The following SP100 variants were observed in gnomAD, a reference collection of about 807,000 sequenced individuals.
SP100 encodes the protein SP100 nuclear body protein.
A neutral mutation model predicts 130.0 loss-of-function variants in SP100; 84 were observed. The ratio of observed to expected loss-of-function variants is 0.65; its 90% CI spans 0.54 to 0.77. The LOEUF (loss-of-function observed/expected upper bound fraction) is 0.77. Ranked by LOEUF, SP100 falls within the 30% of genes least tolerant of loss-of-function variation. SP100 has a pLI of 0.00. For synonymous variants in SP100, 331 were observed against 351.7 expected, an observed-to-expected ratio of 0.94 and a Z score of 0.66; for missense variants, 978 against 1,052.2, an observed-to-expected ratio of 0.93 and a Z score of 0.97.
intron 24 of SP100, among the ~76,000 whole-genome samples, chr2:230,529,725 G>A (rs1691606285): frequency 6.6e-6 from 1 of 152,132 alleles, no homozygotes; most frequent in Non-Finnish European, 1.5e-5. Flanking sequence ...AGCAAATTTA[G>A]CAAAGTCTCA....
intron 17 of SP100, among the ~76,000 whole-genome samples, chr2:230,479,330 T>C (rs902460325): frequency 1.3e-5 from 2 of 152,260 alleles, no homozygotes; most frequent in Non-Finnish European, 2.9e-5. Flanking sequence ...TAGGCATTGC[T>C]ACTGTTTATA....
rs554305269 is a variant in SP100, at chr2:230,450,622, C to T, written c.820+367C>T. 1.2e-3 allele frequency among the ~76,000 whole-genome samples: 186 copies of T among 152,192 alleles called. 1 individual carries two copies. The highest frequency in any genetic ancestry group is 4.1e-3 in the African/African-American group (171 of 41,518). Reference sequence around the variant, plus strand: ...TTTTGTATCCTTTGACCAACATCTCCCCAGTCCTCTTCCTCATATCCCCAG... The same window carrying T: ...TTTTGTATCCTTTGACCAACATCTCTCCAGTCCTCTTCCTCATATCCCCAG... On this transcript the variant is annotated intron_variant, in intron 8 of 28. Transcript: ENST00000340126.
intron 8 of SP100, among the ~76,000 whole-genome samples, chr2:230,457,637 G>A (rs1394206219): frequency 1.3e-5 from 2 of 152,176 alleles, no homozygotes; most frequent in Non-Finnish European, 2.9e-5. Context: ...TGGGGAAGAT[G>A]ACACAGTGAA....
intron 2 of SP100, among the ~76,000 whole-genome samples, chr2:230,427,268 T>G (rs1575590568): frequency 6.6e-6 from 1 of 152,126 alleles, no homozygotes; most frequent in Non-Finnish European, 1.5e-5. Flanking sequence ...TTCAAGCAAT[T>G]CTCCTGCCTC....
At chr2:230,518,870 A>C (rs751922123) in intron 24 of SP100, among the ~76,000 whole-genome samples, 3 of 152,178 alleles carry the variant, frequency 2.0e-5, no homozygotes, top group Non-Finnish European at 4.4e-5. Context: ...ACTTATCAAA[A>C]GATTTATTCA....
chr2:230,514,287 TTAA>T (rs2150087884), intron 24 of SP100, among the ~76,000 whole-genome samples: 1 of 152,302 alleles, frequency 6.6e-6, no homozygotes, highest in African/African-American at 2.4e-5. Flanking sequence ...ATTCACAGCA[TTAA>T]TAATTGACTA....
At position 230,416,316 on chromosome 2, in the gene SP100, A is replaced by G. The variant is rs925213179; in HGVS notation, c.20A>G (p.Asp7Gly). The G allele has an allele frequency of 6.2e-7, 1 of 1,613,428 alleles. No homozygotes were observed. The stretch of plus-strand genomic sequence containing the variant: ...GGGAAGATGGCAGGTGGGGGCGGCG[A>G]CCTGAGCACCAGGTGAGTCTTTATC... MAGGGGDLSTRRLNECI... is the reference protein window; with the variant it reads MAGGGGGLSTRRLNECI... The change falls in exon 1 of 29, where the codon GAC becomes GGC. Residue 7 changes from aspartate to glycine, a missense_variant. Coordinates refer to ENST00000340126, the MANE Select transcript of SP100 (RefSeq NM_001080391.2).
chr2:230,474,371 G>T, intron 16 of SP100, 23 bp from the exon 17 acceptor site: 1 of 1,386,978 alleles, frequency 7.2e-7, no homozygotes, highest in South Asian at 1.2e-5. Context: ...ACAGTTCTCT[G>T]ACCACTACCT....
chr2:230,509,801 A>G (rs1382255140), intron 23 of SP100: 1 of 152,236 alleles, frequency 6.6e-6, no homozygotes, highest in African/African-American at 2.4e-5. Flanking sequence ...AGTCCAAGCT[A>G]ATCGTTTACT....
chr2:230,431,001 G>T (rs1208197985), intron 2 of SP100, among the ~76,000 whole-genome samples: 1 of 152,196 alleles, frequency 6.6e-6, no homozygotes, highest in Non-Finnish European at 1.5e-5. Context: ...AAACCTAAAC[G>T]TCTTAGGTGG....
At chr2:230,513,278 A>C (rs540182048) in intron 24 of SP100, among the ~76,000 whole-genome samples, 117 of 152,354 alleles carry the variant, frequency 7.7e-4, no homozygotes, top group African/African-American at 2.8e-3. Flanking sequence ...GCTCAAATGT[A>C]TCCATGCAAG....
chr2:230,464,287 C>T, intron 11 of SP100, 137 bp downstream of exon 11: 1 of 621,000 alleles, frequency 1.6e-6, no homozygotes, highest in South Asian at 2.0e-5. Context: ...TCACTTTCTA[C>T]ATTTAACCTC....
intron 24 of SP100, among the ~76,000 whole-genome samples, chr2:230,524,196 A>G (rs1553645455): frequency 0.11 from 12,512 of 110,312 alleles, 536 homozygotes; most frequent in Middle Eastern, 0.19. Context: ...AAAAAAAAAA[A>G]AAAAAGAAAA....
intron 18 of SP100, among the ~76,000 whole-genome samples, chr2:230,497,552 GAA>G (rs1204257198): frequency 9.8e-5 from 5 of 51,264 alleles, no homozygotes; most frequent in Admixed American, 5.0e-4. Flanking sequence ...GAGAGGAAAG[GAA>G]AGGAAAGGAA....
rs34711121 is a variant in SP100 at position 230,506,378 on chromosome 2, G to A, written c.1946G>A (p.Arg649His). Residue 649 changes from arginine (R) to histidine (H), a missense_variant, in exon 22 of 29, where the codon CGC becomes CAC. Physicochemically the swap from Arg to His is conservative, Grantham distance 29. Transcript: ENST00000340126. Reference protein sequence around the residue: ...TPREFEIEGDRGASKNWKLSI... With the variant: ...TPREFEIEGDHGASKNWKLSI... ...AGGGAATTTGAAATTGAAGGAGACC[G>A]CGGAGCATCCAAGAACTGGAAGCTA... The A allele has an allele frequency of 1.6e-4, 266 of 1,613,882 alleles. No individual in the cohort carries two copies. The African/African-American group carries it at 3.0e-3, about 18-fold the overall frequency.
Position 230,417,615 on chromosome 2 carries a change from A to G in SP100, c.57A>G (p.Pro19=). Residue 19 remains proline, a synonymous_variant, in exon 2 of 29, where the codon CCA becomes CCG. Coordinates refer to ENST00000340126, the MANE Select transcript of SP100 (RefSeq NM_001080391.2). ...GGAGGCTGAATGAATGTATTTCACC[A>G]GTAGCAAATGAGATGAACCATCTTC... is the stretch of plus-strand genomic sequence containing the variant. ...STRRLNECIS[P]VANEMNHLPA... is the part of the protein sequence containing the mutation. The G allele has an allele frequency of 6.2e-7, 1 of 1,613,248 alleles. No individual in the cohort carries two copies. Among genetic ancestry groups the G allele is most frequent in the Non-Finnish European group, 8.5e-7 (1 of 1,179,762 alleles).
intron 24 of SP100, among the ~76,000 whole-genome samples, chr2:230,536,591 A>C (rs1691951108): frequency 6.6e-6 from 1 of 151,946 alleles, no homozygotes; most frequent in African/African-American, 2.4e-5. Flanking sequence ...CTAACCAATA[A>C]TCTCCTTCCT....
chr2:230,436,987 T>TGC (rs1559486824), intron 2 of SP100, among the ~76,000 whole-genome samples: 12 of 125,124 alleles, frequency 9.6e-5, no homozygotes, highest in African/African-American at 1.6e-4. Context: ...TACACACACA[T>TGC]ATATATGTGT....
At chr2:230,500,875 G>C (rs555489584) in intron 19 of SP100, among the ~76,000 whole-genome samples, 1 of 152,176 alleles carries the variant, frequency 6.6e-6, no homozygotes, top group Non-Finnish European at 1.5e-5. Flanking sequence ...TGAGAGACAA[G>C]GAACGAGTGG....
Sources: gnomAD v4.1 joint callset for allele counts (sites outside exome capture counted in the v4.1 genomes callset) on GRCh38, gnomAD v4.1.1 for gene constraint, MANE v1.5 for transcripts, NCBI Gene and HGNC (gene_info 2026-07-23, HGNC 2026-07-21) for gene names.